CFAP20DC: variants seen among roughly 807,000 people sequenced by gnomAD.
CFAP20DC encodes the protein CFAP20 domain containing, also known as protein CFAP20DC.
CFAP20DC carries 84 observed loss-of-function variants against 101.7 expected under a neutral mutation model. The ratio of observed to expected loss-of-function variants is 0.83; its 90% CI spans 0.69 to 0.99. The LOEUF is 0.99. Among genes scored for constraint, CFAP20DC ranks in the 50% least tolerant of loss-of-function variants. CFAP20DC has a pLI of 0.00. For missense variants in CFAP20DC, 1,007 were observed against 970.3 expected (o/e 1.04, Z -0.50); for synonymous variants, 359 against 351.2 (o/e 1.02, Z -0.25).
chr3:58,768,348 T>C (rs1377963526), intron 15 of CFAP20DC, among the ~76,000 whole-genome samples: 1 of 152,094 alleles, frequency 6.6e-6, no homozygotes, highest in Non-Finnish European at 1.5e-5. Flanking sequence ...TCTAGGGGAA[T>C]GAAACAGTAT....
At chr3:59,039,313 A>T (rs2094156431) in intron 4 of CFAP20DC, among the ~76,000 whole-genome samples, 1 of 152,102 alleles carries the variant, frequency 6.6e-6, no homozygotes, top group South Asian at 2.1e-4. Flanking sequence ...TATTGTCAAA[A>T]TAATAATCCT....
At chr3:58,810,321 C>A (rs1442276794) in intron 14 of CFAP20DC, among the ~76,000 whole-genome samples, 3 of 152,040 alleles carry the variant, frequency 2.0e-5, no homozygotes, top group Non-Finnish European at 4.4e-5. Flanking sequence ...ACTGGCAAAC[C>A]AAATCCAGCA....
At chr3:58,885,425 G>C (rs1489369609) in intron 6 of CFAP20DC, among the ~76,000 whole-genome samples, 1 of 152,054 alleles carries the variant, frequency 6.6e-6, no homozygotes, top group Non-Finnish European at 1.5e-5. Flanking sequence ...ATGGTGAACA[G>C]ATCAGGGTAA....
chr3:58,826,216 T>G (rs550572433), intron 14 of CFAP20DC, among the ~76,000 whole-genome samples: 1 of 152,362 alleles, frequency 6.6e-6, no homozygotes, highest in South Asian at 2.1e-4. Flanking sequence ...TTGAAAATAT[T>G]ACATGCATCA....
chr3:58,836,061 C>T (rs780747705), intron 13 of CFAP20DC, among the ~76,000 whole-genome samples: 2 of 152,142 alleles, frequency 1.3e-5, no homozygotes, highest in African/African-American at 4.8e-5. Flanking sequence ...TGCTCAGATT[C>T]GCAGGCCAGT....
intron 15 of CFAP20DC, among the ~76,000 whole-genome samples, chr3:58,782,629 A>G (rs1302314562): frequency 1.3e-5 from 2 of 152,078 alleles, no homozygotes; most frequent in East Asian, 1.9e-4. Context: ...CTATACACCA[A>G]TAATGAACTA....
At chr3:58,891,136 T>C (rs372822920) in intron 6 of CFAP20DC, among the ~76,000 whole-genome samples, 8 of 151,410 alleles carry the variant, frequency 5.3e-5, no homozygotes, top group African/African-American at 1.7e-4. Flanking sequence ...CTGGGCACCA[T>C]TGAGCACTGA....
intron 4 of CFAP20DC, among the ~76,000 whole-genome samples, chr3:59,003,894 T>C (rs1423764175): frequency 2.0e-5 from 3 of 152,210 alleles, no homozygotes; most frequent in Non-Finnish European, 4.4e-5. Flanking sequence ...TTTTCAGACT[T>C]GCTTTTGTTT....
At chr3:58,723,299 G>C (rs2067498012) in intron 3 of CFAP20DC, among the ~76,000 whole-genome samples, 2 of 152,270 alleles carry the variant, frequency 1.3e-5, no homozygotes, top group South Asian at 4.1e-4. Context: ...ATTTCAGAGG[G>C]GTAGAGGTTC....
chr3:59,003,822 T>C (rs2093369539), intron 4 of CFAP20DC, among the ~76,000 whole-genome samples: 1 of 152,156 alleles, frequency 6.6e-6, no homozygotes, highest in South Asian at 2.1e-4. Flanking sequence ...CAACACATAG[T>C]ACATACAATA....
chr3:59,028,594 A>G (rs943633451), intron 4 of CFAP20DC, among the ~76,000 whole-genome samples: 9 of 152,336 alleles, frequency 5.9e-5, no homozygotes, highest in African/African-American at 2.2e-4. Flanking sequence ...CAAGTAAGGC[A>G]GCGTGGCAAG....
chr3:58,830,415 T>G (rs2076317310), intron 14 of CFAP20DC, among the ~76,000 whole-genome samples: 1 of 152,108 alleles, frequency 6.6e-6, no homozygotes, highest in African/African-American at 2.4e-5. Context: ...GAGCCTCCAT[T>G]ACTCAAGAGC....
chr3:58,938,020 C>T (rs1365282912), intron 4 of CFAP20DC, among the ~76,000 whole-genome samples: 2 of 152,220 alleles, frequency 1.3e-5, no homozygotes, highest in Non-Finnish European at 2.9e-5. Flanking sequence ...TTTCCACAGT[C>T]CTCCAGCCTA....
At chr3:58,855,848 G>A (rs1433266631) in intron 12 of CFAP20DC, among the ~76,000 whole-genome samples, 1 of 114,516 alleles carries the variant, frequency 8.7e-6, no homozygotes, top group African/African-American at 3.3e-5. Context: ...GGTGGGGGGA[G>A]GGGGGAGGGA....
chr3:58,782,973 A>AC, intron 15 of CFAP20DC, among the ~76,000 whole-genome samples: 1 of 151,960 alleles, frequency 6.6e-6, no homozygotes, highest in East Asian at 1.9e-4. Flanking sequence ...GCAAAAAACA[A>AC]AACAAAACAA....
intron 15 of CFAP20DC, among the ~76,000 whole-genome samples, chr3:58,805,242 T>C (rs1174006565): frequency 6.6e-6 from 1 of 152,200 alleles, no homozygotes; most frequent in Non-Finnish European, 1.5e-5. Context: ...AATGGCCATA[T>C]GTGGACTATG....
chr3:58,856,117 T>C (rs2078781481), intron 12 of CFAP20DC, among the ~76,000 whole-genome samples: 1 of 149,584 alleles, frequency 6.7e-6, no homozygotes, highest in Non-Finnish European at 1.5e-5. Flanking sequence ...TAATCAATAA[T>C]ACTAAAAAAA....
chr3:59,017,564 G>A (rs1451788396), intron 4 of CFAP20DC: 1 of 152,094 alleles, frequency 6.6e-6, no homozygotes, highest in Non-Finnish European at 1.5e-5. Flanking sequence ...TCACCGAGCT[G>A]AGGAGAAACA....
At chr3:58,737,198 C>T, downstream of CFAP20DC, 1 of 456,572 alleles carries the variant, frequency 2.2e-6, no homozygotes, top group South Asian at 1.5e-5. The surrounding 1 kb of genome is among the most constrained non-coding windows in gnomAD (Gnocchi z 4.1). Context: ...CATCTTGTTA[C>T]AGCCTGGTCA....
Sources: gnomAD v4.1 joint callset for allele counts (sites outside exome capture counted in the v4.1 genomes callset) on GRCh38, gnomAD v4.1.1 for gene constraint, Gnocchi (gnomAD v3.1) non-coding constraint, MANE v1.5 for transcripts, NCBI Gene and HGNC (gene_info 2026-07-23, HGNC 2026-07-21) for gene names.